GLI3: variants seen among roughly 807,000 people sequenced by gnomAD.
GLI3 encodes the protein GLI family zinc finger 3, also known as transcription activator GLI3.
In GLI3, 20 loss-of-function variants were observed where a neutral mutation model predicts 100.8. The ratio of observed to expected loss-of-function variants is 0.20; its 90% CI spans 0.14 to 0.29. GLI3 has a LOEUF of 0.29. Ranked by LOEUF, GLI3 falls within the 10% of genes least tolerant of loss-of-function variation. GLI3 has a pLI of 1.00. For synonymous variants in GLI3, 938 were observed against 860.5 expected (o/e 1.09, Z -1.58); for missense variants, 2,040 against 2,128.5 (o/e 0.96, Z 0.82).
At chr7:42,188,947 G>A (rs1202575068) in intron 2 of GLI3, among the ~76,000 whole-genome samples, 1 of 152,154 alleles carries the variant, frequency 6.6e-6, no homozygotes, top group East Asian at 1.9e-4. Context: ...CAAACCCACA[G>A]AATGAATGGA....
chr7:42,251,831 A>G (rs1048917740), intron 1 of GLI3, among the ~76,000 whole-genome samples: 1 of 152,070 alleles, frequency 6.6e-6, no homozygotes, highest in African/African-American at 2.4e-5. Context: ...ACTCTTAACC[A>G]CTACACAGAG....
At chr7:42,047,968 G>A (rs1405752) in intron 5 of GLI3, among the ~76,000 whole-genome samples, 1 of 151,524 alleles carries the variant, frequency 6.6e-6, no homozygotes, top group Non-Finnish European at 1.5e-5. Context: ...GCAGAATCAC[G>A]TTTTATCAGG....
chr7:42,023,228 G>A (rs1462642683), intron 10 of GLI3, among the ~76,000 whole-genome samples: 2 of 152,186 alleles, frequency 1.3e-5, no homozygotes, highest in Non-Finnish European at 2.9e-5. Context: ...TGGCTTACAG[G>A]ATCAGAGTCA....
intron 4 of GLI3, among the ~76,000 whole-genome samples, chr7:42,063,379 T>TA (rs1784610514): frequency 6.6e-6 from 1 of 152,084 alleles, no homozygotes. Context: ...TAGATACCAC[T>TA]AAAAAAAGAT....
intron 3 of GLI3, among the ~76,000 whole-genome samples, chr7:42,082,988 C>T (rs993295040): frequency 2.6e-5 from 4 of 152,146 alleles, no homozygotes; most frequent in African/African-American, 9.7e-5. Context: ...ACATAACAAG[C>T]ATATCAGGGC....
At chr7:42,120,276 C>T (rs938111129) in intron 3 of GLI3, among the ~76,000 whole-genome samples, 2 of 152,216 alleles carry the variant, frequency 1.3e-5, no homozygotes, top group Non-Finnish European at 1.5e-5. Context: ...GAAATCTGCC[C>T]GAACTCTGAT....
rs368387081 is a variant in GLI3 at position 42,155,347 on chromosome 7, G to C, written c.125-6879C>G. Among the ~76,000 whole-genome samples, 8 of 151,548 alleles carry C rather than the reference G, an allele frequency of 5.3e-5. No individual in the cohort carries two copies. The South Asian group carries it at 1.3e-3, about 24-fold the overall frequency. ...CCAGCTACTTAGGAGTCTGAGGCAG[G>C]AGAATCGCTTGAACCCAGGAGGCGG... On this transcript the variant is annotated intron_variant, in intron 2 of 14. Coordinates refer to ENST00000395925, the MANE Select transcript of GLI3 (RefSeq NM_000168.6).
rs1036914536 is a variant in GLI3, at chr7:42,037,006, G to A, written c.1028+3032C>T. On this transcript the variant is annotated intron_variant, in intron 7 of 14. Coordinates refer to ENST00000395925, the MANE Select transcript of GLI3 (RefSeq NM_000168.6). ...AAAATACAAAAATTAGCTGGGCACA[G>A]TGGTGGGCCACTATAATCCCAGCTA... Among the ~76,000 whole-genome samples, 4 of 152,164 alleles carry A rather than the reference G, an allele frequency of 2.6e-5. No homozygotes were observed. In the East Asian group the frequency reaches 7.7e-4, roughly 29 times the overall value.
intron 2 of GLI3, among the ~76,000 whole-genome samples, chr7:42,190,263 A>G (rs1022100718): frequency 2.0e-5 from 3 of 152,142 alleles, no homozygotes; most frequent in Non-Finnish European, 4.4e-5. Context: ...GAATTTATAA[A>G]TATATCCCGA....
intron 2 of GLI3, among the ~76,000 whole-genome samples, chr7:42,190,013 CACACAG>C (rs1379622476): frequency 4.0e-5 from 5 of 125,406 alleles, no homozygotes; most frequent in South Asian, 2.7e-4. Context: ...CACACACACA[CACACAG>C]AGAACTATAT....
Position 42,213,807 on chromosome 7 carries a change from G to A in GLI3, c.124+9323C>T, listed in dbSNP as rs180808171. Among the ~76,000 whole-genome samples the A allele has an allele frequency of 5.6e-4, 85 of 152,282 alleles. 1 individual carries two copies. Among genetic ancestry groups the A allele is most frequent in the East Asian group, 1.4e-3 (7 of 5,174 alleles). ...ACAGCCTATCTGTAAATTACTTTTC[G>A]TCCTGTGTTAACTCAACCTTAGTTG... On this transcript the variant is annotated intron_variant, in intron 2 of 14. Transcript: ENST00000395925.
chr7:42,231,296 A>C (rs1398338035), intron 1 of GLI3, among the ~76,000 whole-genome samples: 1 of 152,202 alleles, frequency 6.6e-6, no homozygotes, highest in African/African-American at 2.4e-5. Context: ...TATCCTCCCA[A>C]CTTTTAAACT....
intron 2 of GLI3, among the ~76,000 whole-genome samples, chr7:42,222,128 T>C (rs113338784): frequency 2.5e-4 from 38 of 152,086 alleles, no homozygotes; most frequent in African/African-American, 9.2e-4. Context: ...GCCCTTAGAG[T>C]CTAATGTTCT....
In GLI3 at chr7:41,965,507, CGAGTCTGCGGCACAGCGGGCCGCG is replaced by C; in HGVS notation, c.3542_3565del (p.Pro1181_Thr1188del). The C allele has an allele frequency of 6.2e-7, 1 of 1,607,368 alleles. No individual in the cohort carries two copies. The highest frequency in any genetic ancestry group is 8.5e-7 in the Non-Finnish European group (1 of 1,175,032). On this transcript the variant is annotated inframe_deletion, in exon 15 of 15. Transcript: ENST00000395925. ...CATGCCGTTGCAGAACCCAAAGGCG[CGAGTCTGCGGCACAGCGGGCCGCG>C]GCCCACACTTGAGCTTGGAGGAGGA...
intron 1 of GLI3, among the ~76,000 whole-genome samples, chr7:42,224,066 T>G (rs911720774): frequency 1.3e-5 from 2 of 152,252 alleles, no homozygotes; most frequent in Non-Finnish European, 2.9e-5. Context: ...TCAGTAGGTC[T>G]GTCTTTCACT....
At chr7:42,074,735 G>A (rs1247786697) in intron 4 of GLI3, among the ~76,000 whole-genome samples, 1 of 152,164 alleles carries the variant, frequency 6.6e-6, no homozygotes, top group African/African-American at 2.4e-5. Context: ...AAACCCATAA[G>A]CTCACCATTC....
At chr7:41,996,850 A>C (rs904868424) in intron 10 of GLI3, among the ~76,000 whole-genome samples, 6 of 152,102 alleles carry the variant, frequency 3.9e-5, no homozygotes, top group Non-Finnish European at 7.4e-5. Flanking sequence ...TATTATAAGG[A>C]TTCTTTCTCA....
chr7:42,121,720 C>T (rs1786004564), intron 3 of GLI3, among the ~76,000 whole-genome samples: 2 of 152,022 alleles, frequency 1.3e-5, no homozygotes, highest in Admixed American at 1.3e-4. Flanking sequence ...TCCTCATGTC[C>T]CCACCTCCTC....
chr7:42,165,863 C>A (rs565502401), intron 2 of GLI3, among the ~76,000 whole-genome samples: 1 of 152,068 alleles, frequency 6.6e-6, no homozygotes, highest in African/African-American at 2.4e-5. Context: ...GATGAAAATC[C>A]AAAACATTGG....
Sources: allele counts gnomAD v4.1 joint callset (sites outside exome capture counted in the v4.1 genomes callset), GRCh38; gene constraint gnomAD v4.1.1; transcripts MANE v1.5; gene names NCBI Gene and HGNC (gene_info 2026-07-23, HGNC 2026-07-21).